GABRG3: variants seen among roughly 807,000 people sequenced by gnomAD.
The protein encoded by GABRG3 is gamma-aminobutyric acid type A receptor subunit gamma3, also known as gamma-aminobutyric acid receptor subunit gamma-3.
Under a neutral mutation model 48.8 loss-of-function variants are expected in GABRG3, and 25 were observed. That is an observed-to-expected ratio of 0.51 (90% CI 0.37 to 0.72). The LOEUF is 0.72. Ranked by LOEUF, GABRG3 falls within the 30% of genes least tolerant of loss-of-function variation. The pLI, the probability that GABRG3 is intolerant of heterozygous loss-of-function variation, is 0.00. For missense variants in GABRG3, 394 were observed against 577.9 expected (o/e 0.68, Z 3.26); for synonymous variants, 227 against 217.6 (o/e 1.04, Z -0.38).
intron 3 of GABRG3, among the ~76,000 whole-genome samples, chr15:27,131,341 T>C (rs922374189): frequency 2.0e-5 from 3 of 152,114 alleles, no homozygotes; most frequent in Non-Finnish European, 4.4e-5. Flanking sequence ...TTGCACTGAT[T>C]GATTTTTTTA....
intron 6 of GABRG3, among the ~76,000 whole-genome samples, chr15:27,500,408 C>T (rs1010750057): frequency 6.6e-6 from 1 of 151,982 alleles, no homozygotes; most frequent in African/African-American, 2.4e-5. Flanking sequence ...GCTACGTTTC[C>T]CACCGCGACT....
At chr15:27,322,659 A>G (rs1344641386) in intron 3 of GABRG3, among the ~76,000 whole-genome samples, 1 of 152,126 alleles carries the variant, frequency 6.6e-6, no homozygotes, top group South Asian at 2.1e-4. Context: ...GTATGAGGAG[A>G]CTGAGGCTAA....
intron 3 of GABRG3, among the ~76,000 whole-genome samples, chr15:27,067,127 G>T (rs1254553892): frequency 6.6e-6 from 1 of 152,192 alleles, no homozygotes; most frequent in Non-Finnish European, 1.5e-5. Context: ...CTTTGCCGTG[G>T]AGGGAGCATT....
intron 3 of GABRG3, among the ~76,000 whole-genome samples, chr15:27,234,783 C>T (rs575442096): frequency 2.4e-4 from 37 of 152,296 alleles, no homozygotes; most frequent in Admixed American, 7.2e-4. Context: ...GTGACCCTCT[C>T]TCATGAATGA....
intron 5 of GABRG3, among the ~76,000 whole-genome samples, chr15:27,440,104 G>A (rs1271179417): frequency 6.6e-6 from 1 of 152,130 alleles, no homozygotes; most frequent in African/African-American, 2.4e-5. Flanking sequence ...GCTTCGAGGT[G>A]CTGATCTTTA....
chr15:27,406,480 G>C (rs144431165), intron 5 of GABRG3, among the ~76,000 whole-genome samples: 1,803 of 152,302 alleles, frequency 0.012, 36 homozygotes, highest in African/African-American at 0.04. Context: ...GTGATATGAT[G>C]TGTTGAGAAT....
chr15:27,144,087 C>T (rs1898154223), intron 3 of GABRG3, among the ~76,000 whole-genome samples: 1 of 152,130 alleles, frequency 6.6e-6, no homozygotes, highest in Non-Finnish European at 1.5e-5. Flanking sequence ...TTAAGATACT[C>T]CTCCAAAAAA....
chr15:27,333,420 C>A (rs75000865), intron 5 of GABRG3, among the ~76,000 whole-genome samples: 4,313 of 152,100 alleles, frequency 0.028, 219 homozygotes, highest in African/African-American at 0.1. Flanking sequence ...TAACGTGGGT[C>A]CCCTTCTTCT....
chr15:27,529,740 T>C (rs942682709), intron 9 of GABRG3, among the ~76,000 whole-genome samples: 1 of 151,544 alleles, frequency 6.6e-6, no homozygotes. Context: ...AGGGGAAGGG[T>C]GCACATCATC....
At chr15:27,044,353 G>A (rs186704314) in intron 3 of GABRG3, among the ~76,000 whole-genome samples, 27 of 152,120 alleles carry the variant, frequency 1.8e-4, no homozygotes, top group Admixed American at 6.6e-4. Flanking sequence ...CCCTAAACAC[G>A]GTTTTGATAT....
chr15:27,456,777 C>G (rs1486394058), intron 5 of GABRG3, among the ~76,000 whole-genome samples: 2 of 152,176 alleles, frequency 1.3e-5, no homozygotes, highest in Non-Finnish European at 2.9e-5. Flanking sequence ...TGGAAGAGAG[C>G]CTGCTCCTTA....
intron 2 of GABRG3, among the ~76,000 whole-genome samples, chr15:26,985,670 G>A (rs1257936807): frequency 6.6e-6 from 1 of 152,018 alleles, no homozygotes; most frequent in Non-Finnish European, 1.5e-5. Flanking sequence ...TTTCTGAGCT[G>A]GTCTTGGTGT....
intron 5 of GABRG3, among the ~76,000 whole-genome samples, chr15:27,418,144 G>A (rs912581495): frequency 6.6e-6 from 1 of 152,208 alleles, no homozygotes; most frequent in African/African-American, 2.4e-5. Context: ...CCCTGCCTCA[G>A]ATGAATATGA....
intron 3 of GABRG3, among the ~76,000 whole-genome samples, chr15:27,121,070 C>T (rs771189121): frequency 4.6e-5 from 7 of 152,134 alleles, no homozygotes; most frequent in Non-Finnish European, 8.8e-5. Flanking sequence ...ATTTTCACTT[C>T]GTTTATTATC....
intron 3 of GABRG3, among the ~76,000 whole-genome samples, chr15:27,032,502 A>C (rs980521098): frequency 1.2e-4 from 19 of 152,176 alleles, no homozygotes; most frequent in Non-Finnish European, 2.9e-5. Flanking sequence ...TTCTGATGAG[A>C]GCCTCAGGAA....
chr15:27,250,690 G>A (rs1890426674), intron 3 of GABRG3, among the ~76,000 whole-genome samples: 1 of 152,212 alleles, frequency 6.6e-6, no homozygotes, highest in Non-Finnish European at 1.5e-5. Context: ...GCCTCCCAAA[G>A]TGCTGGGATC....
chr15:27,472,980 A>G (rs1321573158), intron 5 of GABRG3, among the ~76,000 whole-genome samples: 5 of 152,208 alleles, frequency 3.3e-5, no homozygotes, highest in Admixed American at 2.6e-4. Context: ...CTATTAGATC[A>G]TAATATATTA....
intron 3 of GABRG3, among the ~76,000 whole-genome samples, chr15:27,074,619 G>A (rs60414095): frequency 0.21 from 31,314 of 151,540 alleles, 3,393 homozygotes; most frequent in Middle Eastern, 0.27. Context: ...CCTACTCTGT[G>A]TGAATATATT....
chr15:27,235,224 G>A lies in GABRG3; in HGVS notation c.271-91585G>A, dbSNP rs116254863. 2.6e-3 allele frequency among the ~76,000 whole-genome samples: 400 copies of A among 151,656 alleles called. 3 individuals are homozygous for A. Among genetic ancestry groups the A allele is most frequent in the African/African-American group, 9.2e-3 (378 of 41,026 alleles). On this transcript the variant is annotated intron_variant, in intron 3 of 9. Coordinates refer to ENST00000615808, the MANE Select transcript of GABRG3 (RefSeq NM_033223.5). ...TTGTAAGAAATAAAACATAATGTCC[G>A]CCAAACCAGAAAAAGGTGTAGTCAG...
Sources: allele counts gnomAD v4.1 joint callset (sites outside exome capture counted in the v4.1 genomes callset), GRCh38; gene constraint gnomAD v4.1.1; transcripts MANE v1.5; gene names NCBI Gene and HGNC (gene_info 2026-07-23, HGNC 2026-07-21).